Variants in FBF1 observed in about 807,000 individuals in gnomAD.
FBF1 encodes the protein Fas binding factor 1.
FBF1 carries 119 observed loss-of-function variants against 147.2 expected under a neutral mutation model. That is an observed-to-expected ratio of 0.81 (90% CI 0.70 to 0.94). The LOEUF (loss-of-function observed/expected upper bound fraction) is 0.94, where lower values mean the gene tolerates loss of function less well. Among genes scored for constraint, FBF1 ranks in the 40% least tolerant of loss-of-function variants. The probability of loss-of-function intolerance (pLI) is 0.00; values close to 1 mark genes in which losing one functional copy is unlikely to be tolerated. For missense variants in FBF1, 1,449 were observed against 1,500.8 expected, an observed-to-expected ratio of 0.97 and a Z score of 0.57; for synonymous variants, 601 against 609.0, an observed-to-expected ratio of 0.99 and a Z score of 0.19.
In FBF1 at chr17:75,925,937, G is replaced by T. The variant is rs1345070001; in HGVS notation, c.868+93C>A. ...GTGTATAATCACATGTGTGTATCAG[G>T]ATGTGAGGCTGATTTCTCATTATAG... On this transcript the variant is annotated intron_variant, in intron 12 of 29. Transcript: ENST00000636174. The surrounding 1 kb of genome is among the most constrained non-coding windows in gnomAD (Gnocchi z 5.0). 4 of 1,442,322 alleles carry T rather than the reference G, an allele frequency of 2.8e-6. No homozygotes were observed. Among genetic ancestry groups the T allele is most frequent in the East Asian group, 2.4e-5 (1 of 41,388 alleles). The allele number at this position is 1,442,322 out of a possible 1,614,324, so 89.3% of individuals were successfully genotyped here.
At chr17:75,939,945 T>C in intron 1 of FBF1, 1 of 152,326 alleles carries the variant, frequency 6.6e-6, no homozygotes, top group Non-Finnish European at 1.5e-5. Flanking sequence ...ATACATGTGT[T>C]TTCTTTTTTT....
At position 75,922,732 on chromosome 17, in the gene FBF1, C is replaced by G. The variant is rs956441441; in HGVS notation, c.1424+454G>C. Among the ~76,000 whole-genome samples, 3 of 152,242 alleles carry G rather than the reference C, an allele frequency of 2.0e-5. No individual in the cohort carries two copies. Among genetic ancestry groups the G allele is most frequent in the Non-Finnish European group, 4.4e-5 (3 of 68,046 alleles). On this transcript the variant is annotated intron_variant, in intron 14 of 29. Coordinates refer to ENST00000636174, the MANE Select transcript of FBF1 (RefSeq NM_001319193.2). This position sits in a 1 kb window ranked among gnomAD's most constrained non-coding sequence, Gnocchi z 5.0. ...GCTTCTCCAAGAGGCGCCTCTCGGCCACTATGTCTCCTCTAACACTCTCAA... is the reference window on the plus strand; with the variant it reads ...GCTTCTCCAAGAGGCGCCTCTCGGCGACTATGTCTCCTCTAACACTCTCAA...
chr17:75,930,729 C>T (rs1430671151), intron 6 of FBF1, among the ~76,000 whole-genome samples: 1 of 152,176 alleles, frequency 6.6e-6, no homozygotes, highest in Admixed American at 6.5e-5. Flanking sequence ...TGAGACCAGC[C>T]TGACCAACAG....
intron 1 of FBF1, among the ~76,000 whole-genome samples, chr17:75,938,864 CAA>C (rs11461635): frequency 4.4e-5 from 6 of 135,728 alleles, no homozygotes; most frequent in Admixed American, 7.5e-5. Flanking sequence ...GACTCCATCT[CAA>C]AAAAAAAAAA....
At chr17:75,931,197 G>A (rs199653488) in intron 6 of FBF1, 32 bp downstream of exon 6, 178 of 1,560,004 alleles carry the variant, frequency 1.1e-4, no homozygotes, top group Admixed American at 1.9e-4. Flanking sequence ...CTGGGGATAA[G>A]TAGGGAGGTG....
At position 75,932,996 on chromosome 17, in the gene FBF1, T is replaced by C; in HGVS notation, c.166A>G (p.Lys56Glu). The change falls in exon 5 of 30, where the codon AAG becomes GAG. Residue 56 changes from lysine to glutamate, a missense_variant and splice_region_variant. Coordinates refer to ENST00000636174, the MANE Select transcript of FBF1 (RefSeq NM_001319193.2). ...TACCCAGTCGGACCCTGCCCTTACT[T>C]TGTTCTCGCCTTTGAAGAAGGGAAC... ...QMFPSSKARTKSLLGDDVFST... is the reference protein window; with the variant it reads ...QMFPSSKARTESLLGDDVFST... 6.3e-7 allele frequency: 1 copy of C among 1,594,566 alleles called. No homozygotes were observed. The highest frequency in any genetic ancestry group is 8.6e-7 in the Non-Finnish European group (1 of 1,164,706).
intron 28 of FBF1, 51 bp downstream of exon 28, chr17:75,913,651 C>T (rs1041364973): frequency 3.4e-6 from 5 of 1,460,250 alleles, no homozygotes; most frequent in South Asian, 1.3e-5. Flanking sequence ...ACTCCTAGCA[C>T]TGCCCCTGCC....
intron 13 of FBF1, among the ~76,000 whole-genome samples, chr17:75,924,667 G>A (rs577355118): frequency 2.4e-4 from 36 of 152,150 alleles, no homozygotes; most frequent in African/African-American, 7.7e-4. Flanking sequence ...CAGCAGAGAC[G>A]GGGTTTCACC....
At position 75,919,977 on chromosome 17, in the gene FBF1, A is replaced by G. The variant is rs369266216; in HGVS notation, c.1931+30T>C. Reference sequence around the variant, plus strand: ...GGCCTTTGGGGTCAGTGTGAGATCCAAGGCAGAGCTGGGGCCAGCGCCAGG... The same window carrying G: ...GGCCTTTGGGGTCAGTGTGAGATCCGAGGCAGAGCTGGGGCCAGCGCCAGG... On this transcript the variant is annotated intron_variant, in intron 19 of 29. Coordinates refer to ENST00000636174, the MANE Select transcript of FBF1 (RefSeq NM_001319193.2). This position sits in a 1 kb window ranked among gnomAD's most constrained non-coding sequence, Gnocchi z 5.0. 4 of 1,610,086 alleles carry G rather than the reference A, an allele frequency of 2.5e-6. No homozygotes were observed. Among genetic ancestry groups the G allele is most frequent in the Non-Finnish European group, 3.4e-6 (4 of 1,177,690 alleles).
In FBF1 at chr17:75,910,632, C is replaced by T. The variant is rs2065451301; in HGVS notation, c.*91G>A. On this transcript the variant is annotated 3_prime_UTR_variant, in exon 30 of 30. Coordinates refer to ENST00000636174, the MANE Select transcript of FBF1 (RefSeq NM_001319193.2). This position sits in a 1 kb window ranked among gnomAD's most constrained non-coding sequence, Gnocchi z 4.1. ...ATCAGGCCTCAAGCATCTCAGAATC[C>T]TCCCCAGGCACTGCCTCCATGGAGG... 29 of 1,124,126 alleles carry T rather than the reference C, an allele frequency of 2.6e-5. No homozygotes were observed. In the South Asian group the frequency reaches 3.3e-4, roughly 13 times the overall value. 69.6% of individuals were successfully genotyped at this position (1,124,126 alleles called of 1,614,324 possible). A position where few individuals can be genotyped will look rare whatever the true frequency, so the allele number is the denominator to read the frequency against.
intron 15 of FBF1, 21 bp from the exon 16 acceptor site, chr17:75,921,581 C>T (rs775242437): frequency 6.6e-6 from 10 of 1,520,482 alleles, no homozygotes; most frequent in African/African-American, 1.4e-5. Context: ...AGGGATGGGG[C>T]ATGGTGAGCA....
intron 6 of FBF1, 51 bp downstream of exon 6, chr17:75,931,178 T>G: frequency 6.5e-7 from 1 of 1,546,818 alleles, no homozygotes; most frequent in Non-Finnish European, 8.8e-7. Flanking sequence ...AACACCCATC[T>G]CAGTGTTTCT....
intron 4 of FBF1, 54 bp downstream of exon 4, chr17:75,935,578 A>G: frequency 6.6e-7 from 1 of 1,515,338 alleles, no homozygotes; most frequent in Non-Finnish European, 8.8e-7. Flanking sequence ...ATAGTAAGAA[A>G]AAAAAGCAAC....
chr17:75,923,359 G>T lies in FBF1; in HGVS notation c.1251C>A (p.Ser417=). The T allele has an allele frequency of 6.2e-7, 1 of 1,605,272 alleles. No homozygotes were observed. The highest frequency in any genetic ancestry group is 1.1e-5 in the South Asian group (1 of 89,458). The change falls in exon 14 of 30, where the codon TCC becomes TCA. Residue 417 remains serine (S), a synonymous_variant. Transcript: ENST00000636174. This position sits in a 1 kb window ranked among gnomAD's most constrained non-coding sequence, Gnocchi z 4.1. ...TGGAAGCCTGGCTGGCTTTGGCAGG[G>T]GACCCTGCACCTTCAGTTGGTGGCT... The part of the protein sequence containing the change: ...RAKPPTEGAG[S]PAKASQASKL...
At position 75,921,463 on chromosome 17, in the gene FBF1, AAAAC is replaced by A; in HGVS notation, c.1615+5_1615+8del. ...AACTCCCAAATGAAGCAGCAAACAA[AAAAC>A]AAACCAGTGGCTGAGAGGTCTCCAG... On this transcript the variant is annotated splice_donor_5th_base_variant and intron_variant, in intron 16 of 29. Coordinates refer to ENST00000636174, the MANE Select transcript of FBF1 (RefSeq NM_001319193.2). 6.2e-7 allele frequency: 1 copy of A among 1,610,816 alleles called. No homozygotes were observed. The highest frequency in any genetic ancestry group is 1.1e-5 in the South Asian group (1 of 90,418).
chr17:75,935,524 G>A (rs1457001706), intron 4 of FBF1, 108 bp downstream of exon 4: 29 of 1,179,640 alleles, frequency 2.5e-5, no homozygotes, highest in Non-Finnish European at 3.3e-5. Context: ...TTAGGAGGCG[G>A]GAGGATCATT....
intron 28 of FBF1, 86 bp from the exon 29 acceptor site, chr17:75,912,393 C>CACTGGCGGGGGGAG: frequency 9.7e-7 from 1 of 1,028,048 alleles, no homozygotes; most frequent in African/African-American, 1.6e-5. Context: ...AGCTGCTCCC[C>CACTGGCGGGGGGAG]CCGCCAGTGG....
chr17:75,920,367 G>A lies in FBF1; in HGVS notation c.1737C>T (p.Leu579=). ...LLPSTEYQKQ[L]LAAQVQLQCS... Reference sequence around the variant, plus strand: ...ACTGAAGTTGCACCTGTGCTGCCAGGAGCTGCTTCTGGTATTCTGTGCTCG... The same window carrying A: ...ACTGAAGTTGCACCTGTGCTGCCAGAAGCTGCTTCTGGTATTCTGTGCTCG... Residue 579 remains leucine (L), a synonymous_variant, in exon 18 of 30, where the codon CTC becomes CTT. Transcript: ENST00000636174. 2 of 1,606,112 alleles carry A rather than the reference G, an allele frequency of 1.2e-6. No individual in the cohort carries two copies. The highest frequency in any genetic ancestry group is 4.5e-5 in the East Asian group (2 of 44,626).
chr17:75,915,090 C>A lies in FBF1; in HGVS notation c.2555G>T (p.Arg852Leu), dbSNP rs763207043. The A allele has an allele frequency of 1.2e-6, 2 of 1,612,880 alleles. No individual in the cohort carries two copies. Among genetic ancestry groups the A allele is most frequent in the Non-Finnish European group, 1.7e-6 (2 of 1,179,776 alleles). ...AEQSKAESMQ[R>L]ALEEQRKVTA... is the part of the protein sequence containing the mutation. ...GACCTTCCTTTGCTCCTCTAGGGCG[C>A]GCTGCATGGACTCCGCCTTGGACTG... Residue 852 changes from arginine to leucine, a missense_variant, in exon 24 of 30, where the codon CGC becomes CTC. Arg to Leu is a moderately radical substitution (Grantham distance 102). Transcript: ENST00000636174.
Sources: allele counts gnomAD v4.1 joint callset (sites outside exome capture counted in the v4.1 genomes callset), GRCh38; gene constraint gnomAD v4.1.1; non-coding constraint Gnocchi (gnomAD v3.1); transcripts MANE v1.5; gene names NCBI Gene and HGNC (gene_info 2026-07-23, HGNC 2026-07-21).